The following CRBN variants were observed in gnomAD, a reference collection of about 807,000 sequenced individuals.
CRBN encodes the protein cereblon.
CRBN carries 53 observed loss-of-function variants against 62.2 expected under a neutral mutation model. The observed-to-expected ratio is 0.85, with a 90% confidence interval of 0.68 to 1.07. The LOEUF is 1.07. Ranked by LOEUF, CRBN falls within the 50% of genes least tolerant of loss-of-function variation. The probability of loss-of-function intolerance (pLI) is 0.00; values close to 1 mark genes in which losing one functional copy is unlikely to be tolerated. For synonymous variants in CRBN, 208 were observed against 176.1 expected, an observed-to-expected ratio of 1.18 and a Z score of -1.43; for missense variants, 616 against 531.1, an observed-to-expected ratio of 1.16 and a Z score of -1.57.
At position 3,162,791 on chromosome 3, in the gene CRBN, T is replaced by C. The variant is rs76512526; in HGVS notation, c.687+4843A>G. On this transcript the variant is annotated intron_variant, in intron 5 of 10. Coordinates refer to ENST00000231948, the MANE Select transcript of CRBN (RefSeq NM_016302.4). The stretch of plus-strand genomic sequence containing the variant: ...ATCTCCCAACTCTGACCATTTTAAC[T>C]ACTACTCAGACACAGAGACAGAAGA... 8.3e-3 allele frequency among the ~76,000 whole-genome samples: 1,267 copies of C among 152,296 alleles called. 50 individuals are homozygous for C. The East Asian group carries it at 0.13, about 16-fold the overall frequency.
At chr3:3,171,117 T>TTA (rs1447434777) in intron 4 of CRBN, among the ~76,000 whole-genome samples, 2 of 152,190 alleles carry the variant, frequency 1.3e-5, no homozygotes, top group South Asian at 2.1e-4. Flanking sequence ...ATGTTAATCT[T>TTA]TACTAGAGTC....
chr3:3,153,092 T>A, intron 9 of CRBN: 1 of 316,476 alleles, frequency 3.2e-6, no homozygotes, highest in Non-Finnish European at 6.0e-6. Flanking sequence ...GCAAAACTGA[T>A]GACTGAAATG....
intron 1 of CRBN, among the ~76,000 whole-genome samples, chr3:3,177,212 A>G (rs1009265632): frequency 2.6e-5 from 4 of 152,246 alleles, no homozygotes; most frequent in African/African-American, 9.6e-5. Flanking sequence ...CAGTTCATGT[A>G]TTTTTAAATG....
chr3:3,152,730 T>C (rs1431186816), intron 9 of CRBN, 143 bp from the exon 10 acceptor site: 3 of 1,014,092 alleles, frequency 3.0e-6, no homozygotes, highest in Non-Finnish European at 1.5e-6. Flanking sequence ...AATACCAGGA[T>C]CTTAGTATGA....
At chr3:3,154,542 T>A (rs756218268) in intron 7 of CRBN, 37 of 559,938 alleles carry the variant, frequency 6.6e-5, no homozygotes, top group Non-Finnish European at 1.1e-4. Context: ...AAAATTGGAG[T>A]GCTCACAGAA....
In CRBN at chr3:3,165,026, C is replaced by T. The variant is rs557391028; in HGVS notation, c.687+2608G>A. Among the ~76,000 whole-genome samples, 46 of 152,212 alleles carry T rather than the reference C, an allele frequency of 3.0e-4. 1 individual carries two copies. In the South Asian group the frequency reaches 9.3e-3, roughly 31 times the overall value. ...GAATTTAGAAGAAGTTTACTCCAAC[C>T]CTCATGGATGACGATTTTGAGGGTT... is the stretch of plus-strand genomic sequence containing the variant. On this transcript the variant is annotated intron_variant, in intron 5 of 10. Coordinates refer to ENST00000231948, the MANE Select transcript of CRBN (RefSeq NM_016302.4).
At chr3:3,154,325 G>C (rs975670763) in intron 7 of CRBN, 1 of 508,676 alleles carries the variant, frequency 2.0e-6, no homozygotes, top group Non-Finnish European at 3.5e-6. Flanking sequence ...ATCCATGTTA[G>C]AAGTTATTTG....
chr3:3,158,037 A>G (rs1288491790), intron 5 of CRBN, among the ~76,000 whole-genome samples: 1 of 152,202 alleles, frequency 6.6e-6, no homozygotes, highest in Non-Finnish European at 1.5e-5. Flanking sequence ...CTGGCTTAAT[A>G]TAATCCTTAT....
chr3:3,156,690 T>TCTA, intron 5 of CRBN: 1 of 208,540 alleles, frequency 4.8e-6, no homozygotes. Context: ...TAAATGAGAA[T>TCTA]CAGCTGAATC....
chr3:3,168,409 A>G (rs1040832903), intron 4 of CRBN, among the ~76,000 whole-genome samples: 1 of 152,208 alleles, frequency 6.6e-6, no homozygotes, highest in African/African-American at 2.4e-5. Context: ...TTAAAATGTC[A>G]TAATAAAGTC....
chr3:3,171,779 T>A (rs1214446420), intron 4 of CRBN, among the ~76,000 whole-genome samples: 1 of 151,996 alleles, frequency 6.6e-6, no homozygotes, highest in Middle Eastern at 3.4e-3. Context: ...TCAGTCTTAA[T>A]CCCCCACCCC....
At chr3:3,151,897 T>G (rs796724620) in intron 10 of CRBN, among the ~76,000 whole-genome samples, 25 of 152,310 alleles carry the variant, frequency 1.6e-4, no homozygotes, top group African/African-American at 6.0e-4. Context: ...AGTCTATCAT[T>G]GCTTTGTAAA....
At chr3:3,155,047 T>A (rs1014075790) in intron 6 of CRBN, 2 of 577,768 alleles carry the variant, frequency 3.5e-6, no homozygotes, top group Non-Finnish European at 6.2e-6. Flanking sequence ...TCACTCACTG[T>A]CTTAACCCAG....
At chr3:3,171,082 G>T (rs1376051324) in intron 4 of CRBN, among the ~76,000 whole-genome samples, 1 of 152,162 alleles carries the variant, frequency 6.6e-6, no homozygotes, top group East Asian at 1.9e-4. Flanking sequence ...TGGGATTACA[G>T]GCATGAGCCA....
chr3:3,174,613 C>T (rs189596001), intron 2 of CRBN, among the ~76,000 whole-genome samples: 3 of 151,844 alleles, frequency 2.0e-5, no homozygotes, highest in South Asian at 2.1e-4. Context: ...TGCACTCACT[C>T]GAGCTTGGGC....
At chr3:3,153,581 G>C (rs1393120324) in intron 8 of CRBN, 93 bp from the exon 9 acceptor site, 4 of 789,138 alleles carry the variant, frequency 5.1e-6, no homozygotes, top group Non-Finnish European at 9.2e-6. Flanking sequence ...TACTTATAAA[G>C]ATATTGCTCT....
Position 3,153,663 on chromosome 3 carries a change from C to G in CRBN, c.952-175G>C, listed in dbSNP as rs1349912845. On this transcript the variant is annotated intron_variant, in intron 8 of 10. Coordinates refer to ENST00000231948, the MANE Select transcript of CRBN (RefSeq NM_016302.4). ...AGATGGAGCACGAAAGTCACTGAAA[C>G]TGAGATCTGCCACATATTTACATAA... The G allele has an allele frequency of 7.9e-6, 5 of 630,568 alleles. No individual in the cohort carries two copies. In the East Asian group the frequency reaches 1.1e-4, roughly 14 times the overall value. The allele number at this position is 630,568 out of a possible 1,614,324, so 39.1% of individuals were successfully genotyped here.
chr3:3,175,726 AG>A (rs917328344), intron 1 of CRBN, among the ~76,000 whole-genome samples: 3 of 152,030 alleles, frequency 2.0e-5, no homozygotes, highest in Non-Finnish European at 2.9e-5. Flanking sequence ...CCTCTGGGCT[AG>A]GGGGGTTTTC....
rs1363998232 is a variant in CRBN at position 3,154,010 on chromosome 3, T to C, written c.901A>G (p.Ile301Val). The change falls in exon 8 of 11, where the codon ATT becomes GTT. Residue 301 changes from isoleucine to valine, a missense_variant. Physicochemically the swap from Ile to Val is conservative, Grantham distance 29. Coordinates refer to ENST00000231948, the MANE Select transcript of CRBN (RefSeq NM_016302.4). Reference protein sequence around the residue: ...DDVLRIQLLKIGSAIQRLRCE... With the variant: ...DDVLRIQLLKVGSAIQRLRCE... ...CGAAGTCGCTGGATAGCACTGCCAATTTTAAGGAGCTGAATTCTCAATACA... is the reference window on the plus strand; with the variant it reads ...CGAAGTCGCTGGATAGCACTGCCAACTTTAAGGAGCTGAATTCTCAATACA... 6.2e-7 allele frequency: 1 copy of C among 1,613,830 alleles called. No individual in the cohort carries two copies. Among genetic ancestry groups the C allele is most frequent in the Admixed American group, 1.7e-5 (1 of 60,020 alleles).
Sources: gnomAD v4.1 joint callset for allele counts (sites outside exome capture counted in the v4.1 genomes callset) on GRCh38, gnomAD v4.1.1 for gene constraint, MANE v1.5 for transcripts, NCBI Gene and HGNC (gene_info 2026-07-23, HGNC 2026-07-21) for gene names.